Variants in ASCC3 observed in about 807,000 individuals in gnomAD.
The protein encoded by ASCC3 is activating signal cointegrator 1 complex subunit 3.
A neutral mutation model predicts 256.3 loss-of-function variants in ASCC3; 158 were observed. The ratio of observed to expected loss-of-function variants is 0.62; its 90% CI spans 0.54 to 0.70. The LOEUF is 0.70. Ranked by LOEUF, ASCC3 falls within the 30% of genes least tolerant of loss-of-function variation. The pLI is 0.00. For missense variants in ASCC3, 2,259 were observed against 2,626.0 expected, an observed-to-expected ratio of 0.86 and a Z score of 3.05; for synonymous variants, 948 against 883.4, an observed-to-expected ratio of 1.07 and a Z score of -1.30.
intron 36 of ASCC3, among the ~76,000 whole-genome samples, chr6:100,548,964 A>G (rs1412392566): frequency 6.6e-6 from 1 of 151,994 alleles, no homozygotes; most frequent in East Asian, 1.9e-4. Flanking sequence ...ATGAACAACA[A>G]TAACTAATAA....
chr6:100,873,960 T>A (rs1020585688), intron 1 of ASCC3, among the ~76,000 whole-genome samples: 1 of 152,200 alleles, frequency 6.6e-6, no homozygotes, highest in Non-Finnish European at 1.5e-5. Context: ...AAATTATGCT[T>A]GTTAAGGGAA....
At chr6:100,680,693 C>T (rs1166099805) in intron 13 of ASCC3, among the ~76,000 whole-genome samples, 1 of 152,122 alleles carries the variant, frequency 6.6e-6, no homozygotes, top group African/African-American at 2.4e-5. Flanking sequence ...TTCCCCTAGC[C>T]CCTGCTTTCA....
At chr6:100,679,130 A>C (rs1197160512) in intron 14 of ASCC3, among the ~76,000 whole-genome samples, 1 of 151,640 alleles carries the variant, frequency 6.6e-6, no homozygotes, top group Non-Finnish European at 1.5e-5. Flanking sequence ...TGACCCCAAG[A>C]CCTTTTTGTC....
chr6:100,825,564 C>G (rs1771263384), intron 4 of ASCC3, among the ~76,000 whole-genome samples: 1 of 152,112 alleles, frequency 6.6e-6, no homozygotes, highest in Non-Finnish European at 1.5e-5. Context: ...CCTTGGTGAA[C>G]CTGATGATTA....
chr6:100,594,451 A>G (rs1336870081), intron 34 of ASCC3, among the ~76,000 whole-genome samples: 1 of 152,176 alleles, frequency 6.6e-6, no homozygotes, highest in Non-Finnish European at 1.5e-5. Flanking sequence ...AAAATTTACC[A>G]GTTTCCTGTG....
At chr6:100,543,841 C>G (rs1463506201) in intron 36 of ASCC3, among the ~76,000 whole-genome samples, 5 of 152,052 alleles carry the variant, frequency 3.3e-5, no homozygotes, top group Non-Finnish European at 7.4e-5. Context: ...TTGAACAACA[C>G]TGTTAACTAA....
At chr6:100,653,965 T>G (rs566179621) in intron 17 of ASCC3, among the ~76,000 whole-genome samples, 16 of 151,994 alleles carry the variant, frequency 1.1e-4, no homozygotes, top group Admixed American at 5.2e-4. Context: ...AATTAATGAG[T>G]TAACACTACT....
intron 8 of ASCC3, among the ~76,000 whole-genome samples, chr6:100,782,918 G>C (rs1383168930): frequency 6.6e-6 from 1 of 151,894 alleles, no homozygotes; most frequent in Non-Finnish European, 1.5e-5. Flanking sequence ...AATGAAAGAA[G>C]TCAGGGACCT....
intron 1 of ASCC3, among the ~76,000 whole-genome samples, chr6:100,877,433 T>C (rs1226916032): frequency 6.6e-6 from 1 of 152,170 alleles, no homozygotes; most frequent in Non-Finnish European, 1.5e-5. Flanking sequence ...ATATTTATAT[T>C]TTATTGTGCC....
At chr6:100,621,886 TA>T (rs1230077358) in intron 30 of ASCC3, among the ~76,000 whole-genome samples, 5 of 152,104 alleles carry the variant, frequency 3.3e-5, no homozygotes, top group Admixed American at 1.3e-4. Context: ...GGTACATATA[TA>T]CCATGGAATA....
chr6:100,817,341 C>A (rs1770802617), intron 4 of ASCC3, among the ~76,000 whole-genome samples: 1 of 150,670 alleles, frequency 6.6e-6, no homozygotes, highest in Non-Finnish European at 1.5e-5. Context: ...AGATCTCAAA[C>A]CAATAACCTA....
intron 36 of ASCC3, among the ~76,000 whole-genome samples, chr6:100,575,347 A>G (rs536289537): frequency 3.3e-5 from 5 of 152,116 alleles, no homozygotes; most frequent in Non-Finnish European, 7.4e-5. Context: ...TTTGAGAAAG[A>G]TATTTTTGCA....
intron 37 of ASCC3, among the ~76,000 whole-genome samples, chr6:100,523,281 T>C (rs1053206221): frequency 1.3e-5 from 2 of 152,024 alleles, no homozygotes; most frequent in African/African-American, 4.8e-5. Flanking sequence ...GGCTTCTATC[T>C]TCTGTAAGCT....
chr6:100,725,648 T>G lies in ASCC3; in HGVS notation c.1793A>C (p.Asp598Ala). The change falls in exon 11 of 42, where the codon GAT becomes GCT. Residue 598 changes from aspartate (D) to alanine (A), a missense_variant. Asp to Ala is a moderately radical substitution (Grantham distance 126). Coordinates refer to ENST00000369162, the MANE Select transcript of ASCC3 (RefSeq NM_006828.4). Reference protein sequence around the residue: ...WDVVTRKSVGDVALSQIVRLL... With the variant: ...WDVVTRKSVGAVALSQIVRLL... ...CCTTACAATCTGGGAAAGAGCTACA[T>G]CCCCAACACTCTTTCTTGTCACTAC... 6.2e-7 allele frequency: 1 copy of G among 1,612,654 alleles called. No individual in the cohort carries two copies. The highest frequency in any genetic ancestry group is 8.5e-7 in the Non-Finnish European group (1 of 1,179,122).
At position 100,540,162 on chromosome 6, in the gene ASCC3, C is replaced by G; in HGVS notation, c.5775+1G>C. On this transcript the variant is annotated splice_donor_variant, in intron 37 of 41. Transcript: ENST00000369162. LOFTEE classifies it high-confidence loss of function. ...ATAGGTATTAGAAATGACTTTCATA[C>G]CTGACATACTCTGAGAGCTTGGTCC... The G allele has an allele frequency of 6.2e-7, 1 of 1,610,726 alleles. No individual in the cohort carries two copies. The highest frequency in any genetic ancestry group is 8.5e-7 in the Non-Finnish European group (1 of 1,176,990).
intron 8 of ASCC3, among the ~76,000 whole-genome samples, chr6:100,769,583 T>C (rs972511670): frequency 7.3e-5 from 11 of 150,978 alleles, no homozygotes; most frequent in Non-Finnish European, 1.2e-4. Context: ...AATGAAAAAT[T>C]AGAAAAAGAA....
At chr6:100,605,323 C>T (rs1772825622) in intron 33 of ASCC3, among the ~76,000 whole-genome samples, 1 of 152,126 alleles carries the variant, frequency 6.6e-6, no homozygotes, top group South Asian at 2.1e-4. Context: ...AGATTTTCAC[C>T]CTGGTCATCT....
At chr6:100,780,870 C>A (rs1011465268) in intron 8 of ASCC3, among the ~76,000 whole-genome samples, 1 of 152,166 alleles carries the variant, frequency 6.6e-6, no homozygotes, top group Non-Finnish European at 1.5e-5. Context: ...AGTGTCCCAA[C>A]CTAAGCCTCA....
At chr6:100,874,440 T>C (rs1773893872) in intron 1 of ASCC3, among the ~76,000 whole-genome samples, 1 of 112,334 alleles carries the variant, frequency 8.9e-6, no homozygotes, top group South Asian at 3.1e-4. Context: ...CATTCCAGCC[T>C]GGCAACAGAG....
Sources: gnomAD v4.1 joint callset for allele counts (sites outside exome capture counted in the v4.1 genomes callset) on GRCh38, gnomAD v4.1.1 for gene constraint, MANE v1.5 for transcripts, NCBI Gene and HGNC (gene_info 2026-07-23, HGNC 2026-07-21) for gene names.